Variants in NOCT observed in about 807,000 individuals in gnomAD.
NOCT encodes CCR4 carbon catabolite repression 4-like.
In NOCT, 18 loss-of-function variants were observed where a neutral mutation model predicts 35.0. The ratio of observed to expected loss-of-function variants is 0.51; its 90% CI spans 0.36 to 0.76. The LOEUF is 0.76. Ranked by LOEUF, NOCT falls within the 30% of genes least tolerant of loss-of-function variation. The probability of loss-of-function intolerance (pLI) is 0.01; values close to 1 mark genes in which losing one functional copy is unlikely to be tolerated. For missense variants in NOCT, 479 were observed against 541.0 expected (o/e 0.89, Z 1.14); for synonymous variants, 235 against 226.3 (o/e 1.04, Z -0.34).
At position 139,043,022 on chromosome 4, in the gene NOCT, G is replaced by A. The variant is rs376464033; in HGVS notation, c.191-52G>A. 161 of 1,519,940 alleles carry A rather than the reference G, an allele frequency of 1.1e-4. 1 individual carries two copies. In the East Asian group the frequency reaches 3.2e-3, roughly 30 times the overall value. The allele number at this position is 1,519,940 out of a possible 1,614,324, so 94.2% of individuals were successfully genotyped here. ...TGTTTATCTTACAGTTGTGCTGGGC[G>A]AGAAGTCAGGAAAAGGAGCTGAGTG... On this transcript the variant is annotated intron_variant, in intron 1 of 2. Transcript: ENST00000280614.
At position 139,045,576 on chromosome 4, in the gene NOCT, GCC is replaced by G; in HGVS notation, c.*103_*104del. ...CTGTTGCCTAGGCTGGAGTACAGTG[GCC>G]TGATCTCGGCTCACTGCAAGATCCG... On this transcript the variant is annotated 3_prime_UTR_variant, in exon 3 of 3. Coordinates refer to ENST00000280614, the MANE Select transcript of NOCT (RefSeq NM_012118.4). The G allele has an allele frequency of 1.5e-6, 1 of 645,998 alleles. No homozygotes were observed. The highest frequency in any genetic ancestry group is 2.4e-6 in the Non-Finnish European group (1 of 409,354). The allele number at this position is 645,998 out of a possible 1,614,324, so 40.0% of individuals were successfully genotyped here. A position where few individuals can be genotyped will look rare whatever the true frequency, so the allele number is the denominator to read the frequency against.
intron 1 of NOCT, 75 bp from the exon 2 acceptor site, chr4:139,042,999 T>A: frequency 7.3e-7 from 1 of 1,364,750 alleles, no homozygotes. Context: ...ACAGTAAATG[T>A]TTATCTTACA....
At chr4:139,021,068 C>G (rs1214994353) in intron 1 of NOCT, among the ~76,000 whole-genome samples, 1 of 129,688 alleles carries the variant, frequency 7.7e-6, no homozygotes, top group South Asian at 2.5e-4. Context: ...AATACTCTGT[C>G]TCAAAAAAAA....
At chr4:139,044,555 G>T in intron 2 of NOCT, 84 bp from the exon 3 acceptor site, 1 of 784,568 alleles carries the variant, frequency 1.3e-6, no homozygotes, top group Non-Finnish European at 2.1e-6. Context: ...GCATTCTGAG[G>T]GTCTTGAGTG....
chr4:139,044,588 T>C (rs781146527), intron 2 of NOCT, 51 bp from the exon 3 acceptor site: 22 of 1,213,312 alleles, frequency 1.8e-5, no homozygotes, highest in Non-Finnish European at 2.4e-5. Flanking sequence ...CTGGGTACTT[T>C]GAAGTCACGG....
chr4:139,026,552 T>A (rs1231131832), intron 1 of NOCT, among the ~76,000 whole-genome samples: 3 of 148,408 alleles, frequency 2.0e-5, no homozygotes, highest in East Asian at 4.0e-4. Context: ...TTTTCATACT[T>A]CTTTTTTTTT....
chr4:139,019,254 G>C (rs1214027593), intron 1 of NOCT, among the ~76,000 whole-genome samples: 1 of 152,040 alleles, frequency 6.6e-6, no homozygotes, highest in African/African-American at 2.4e-5. Flanking sequence ...GGATTTCAAC[G>C]TGTTGCCCGG....
chr4:139,041,930 A>AAT (rs35385715), intron 1 of NOCT, among the ~76,000 whole-genome samples: 62,694 of 151,792 alleles, frequency 0.41, 13,391 homozygotes, highest in Middle Eastern at 0.5. Flanking sequence ...GAATCTAGCC[A>AAT]TTACTTTCCC....
chr4:139,025,906 C>T (rs1219681764), intron 1 of NOCT, among the ~76,000 whole-genome samples: 1 of 152,056 alleles, frequency 6.6e-6, no homozygotes, highest in Non-Finnish European at 1.5e-5. Flanking sequence ...GGCCTAGAAC[C>T]AACCTGCCCA....
At chr4:139,043,450 A>AGAT in intron 2 of NOCT, 107 bp downstream of exon 2, 2 of 1,098,272 alleles carry the variant, frequency 1.8e-6, no homozygotes, top group East Asian at 2.4e-5. Flanking sequence ...AGGTGTGGGC[A>AGAT]GATGGAGGTG....
intron 1 of NOCT, among the ~76,000 whole-genome samples, chr4:139,037,495 C>G (rs186978973): frequency 6.6e-6 from 1 of 152,118 alleles, no homozygotes; most frequent in Admixed American, 6.5e-5. Flanking sequence ...GTCTCGAACT[C>G]CTGGACTCCA....
At position 139,045,112 on chromosome 4, in the gene NOCT, A is replaced by C. The variant is rs202135520; in HGVS notation, c.934A>C (p.Thr312Pro). The change falls in exon 3 of 3, where the codon ACC becomes CCC. Residue 312 changes from threonine (T) to proline (P), a missense_variant. Physicochemically the swap from Thr to Pro is conservative, Grantham distance 38. Coordinates refer to ENST00000280614, the MANE Select transcript of NOCT (RefSeq NM_012118.4). Reference sequence around the variant, plus strand: ...CCTCCTTCAGAACCTGCAAAACATCACCCAAGGAGCCAAGATTCCCCTTAT... The same window carrying C: ...CCTCCTTCAGAACCTGCAAAACATCCCCCAAGGAGCCAAGATTCCCCTTAT... ...CDLLQNLQNI[T>P]QGAKIPLIVC... 1 of 1,614,110 alleles carries C rather than the reference A, an allele frequency of 6.2e-7. No individual in the cohort carries two copies. Among genetic ancestry groups the C allele is most frequent in the East Asian group, 2.2e-5 (1 of 44,888 alleles).
chr4:139,023,275 C>T (rs1726449198), intron 1 of NOCT, among the ~76,000 whole-genome samples: 1 of 152,148 alleles, frequency 6.6e-6, no homozygotes, highest in African/African-American at 2.4e-5. Context: ...TGCCGATCTG[C>T]AAATATGCTT....
intron 1 of NOCT, among the ~76,000 whole-genome samples, chr4:139,038,196 C>T (rs961751946): frequency 2.0e-5 from 3 of 150,530 alleles, no homozygotes; most frequent in African/African-American, 7.5e-5. Flanking sequence ...GAGACTGTCT[C>T]AAATAAATAA....
At chr4:139,029,172 AGT>A (rs1262067380) in intron 1 of NOCT, among the ~76,000 whole-genome samples, 1 of 152,224 alleles carries the variant, frequency 6.6e-6, no homozygotes, top group Non-Finnish European at 1.5e-5. Context: ...CTAGGAAAAA[AGT>A]GAGTTTTACA....
At position 139,043,076 on chromosome 4, in the gene NOCT, T is replaced by A. The variant is rs771460503; in HGVS notation, c.193T>A (p.Cys65Ser). The part of the protein sequence containing the change: ...GAARSCSRTV[C>S]SMGTGTSRLY... Reference sequence around the variant, plus strand: ...AACTGTGATTTCCTTTTCCGTAGTGTGTTCCATGGGAACCGGTACAAGCAG... The same window carrying A: ...AACTGTGATTTCCTTTTCCGTAGTGAGTTCCATGGGAACCGGTACAAGCAG... Residue 65 changes from cysteine (C) to serine (S), a missense_variant and splice_region_variant, in exon 2 of 3, where the codon TGT becomes AGT. Around this residue, in one of 2 missense-constraint regions of NOCT, gnomAD observed 265 missense variants for 257.0 expected, o/e 1.03. Transcript: ENST00000280614. 1 of 1,591,552 alleles carries A rather than the reference T, an allele frequency of 6.3e-7. No individual in the cohort carries two copies. Among genetic ancestry groups the A allele is most frequent in the Non-Finnish European group, 8.6e-7 (1 of 1,162,042 alleles).
At position 139,015,971 on chromosome 4, in the gene NOCT, C is replaced by T. The variant is rs1726287654; in HGVS notation, c.-11C>T. 5 of 1,343,782 alleles carry T rather than the reference C, an allele frequency of 3.7e-6. No homozygotes were observed. The highest frequency in any genetic ancestry group is 3.8e-6 in the Non-Finnish European group (4 of 1,052,158). 83.2% of individuals were successfully genotyped at this position (1,343,782 alleles called of 1,614,324 possible). Reference sequence around the variant, plus strand: ...GGCGCGCGAGGGGCCGTGGTGGCGGCGGCGCCCGGCATGTTTCATAGTCCG... The same window carrying T: ...GGCGCGCGAGGGGCCGTGGTGGCGGTGGCGCCCGGCATGTTTCATAGTCCG... On this transcript the variant is annotated 5_prime_UTR_variant, in exon 1 of 3. Coordinates refer to ENST00000280614, the MANE Select transcript of NOCT (RefSeq NM_012118.4).
chr4:139,015,914 T>C lies in NOCT; in HGVS notation c.-68T>C. On this transcript the variant is annotated 5_prime_UTR_variant, in exon 1 of 3. Coordinates refer to ENST00000280614, the MANE Select transcript of NOCT (RefSeq NM_012118.4). ...TGCCCGGACAGTCGGCTCGACTCGGTGCCCTCGGCCCCAGCCGGGCTCCGC... is the reference window on the plus strand; with the variant it reads ...TGCCCGGACAGTCGGCTCGACTCGGCGCCCTCGGCCCCAGCCGGGCTCCGC... The C allele has an allele frequency of 8.2e-7, 1 of 1,213,960 alleles. No individual in the cohort carries two copies. Among genetic ancestry groups the C allele is most frequent in the Non-Finnish European group, 1.0e-6 (1 of 954,662 alleles). The allele number at this position is 1,213,960 out of a possible 1,614,324, so 75.2% of individuals were successfully genotyped here.
chr4:139,043,312 C>G lies in NOCT; in HGVS notation c.429C>G (p.Ile143Met). Residue 143 changes from isoleucine to methionine, a missense_variant, in exon 2 of 3, where the codon ATC becomes ATG. Physicochemically the swap from Ile to Met is conservative, Grantham distance 10. This residue lies in a region of NOCT where 265 missense variants were observed against 257.0 expected (regional missense o/e 1.03). Coordinates refer to ENST00000280614, the MANE Select transcript of NOCT (RefSeq NM_012118.4). ...RTDCPSTHPPIRVMQWNILAQ... is the reference protein window; with the variant it reads ...RTDCPSTHPPMRVMQWNILAQ... ...ATTGCCCTAGTACCCACCCACCTAT[C>G]AGGGTTATGCAATGGAACATCCTCG... 6.2e-7 allele frequency: 1 copy of G among 1,614,028 alleles called. No individual in the cohort carries two copies.
Sources: gnomAD v4.1 joint callset for allele counts (sites outside exome capture counted in the v4.1 genomes callset) on GRCh38, gnomAD v4.1.1 for gene constraint, gnomAD v4.1.1 regional missense constraint, MANE v1.5 for transcripts, NCBI Gene and HGNC (gene_info 2026-07-23, HGNC 2026-07-21) for gene names.